The following AP1B1 variants were observed in gnomAD, a reference collection of about 807,000 sequenced individuals.
AP1B1 encodes the protein adaptor related protein complex 1 subunit beta 1, also known as AP-1 complex subunit beta-1.
In AP1B1, 36 loss-of-function variants were observed where a neutral mutation model predicts 104.3. The observed-to-expected ratio is 0.35, with a 90% CI of 0.26 to 0.46. AP1B1 has a LOEUF of 0.46. Ranked by LOEUF, AP1B1 falls within the 20% of genes least tolerant of loss-of-function variation. The probability of loss-of-function intolerance (pLI) is 1.00; values close to 1 mark genes in which losing one functional copy is unlikely to be tolerated. For missense variants in AP1B1, 901 were observed against 1,247.9 expected (o/e 0.72, Z 4.19); for synonymous variants, 504 against 517.5 (o/e 0.97, Z 0.35).
intron 14 of AP1B1, 107 bp downstream of exon 14, chr22:29,340,548 AT>A (rs2061698596): frequency 8.5e-7 from 1 of 1,180,322 alleles, no homozygotes; most frequent in African/African-American, 1.6e-5. Context: ...TAAGGACTCT[AT>A]ATAATGTACC....
intron 11 of AP1B1, among the ~76,000 whole-genome samples, chr22:29,346,538 G>A (rs533805394): frequency 3.3e-5 from 5 of 152,294 alleles, no homozygotes; most frequent in East Asian, 1.9e-4. Flanking sequence ...ATCTAATGCC[G>A]CCGCTGATCT....
chr22:29,329,637 A>G, intron 22 of AP1B1, 75 bp downstream of exon 22: 1 of 1,605,252 alleles, frequency 6.2e-7, no homozygotes, highest in African/African-American at 1.3e-5. Flanking sequence ...GACAGGAGAC[A>G]TGGGGTGCAT....
intron 3 of AP1B1, among the ~76,000 whole-genome samples, chr22:29,361,670 C>T (rs1452131383): frequency 1.3e-5 from 2 of 152,082 alleles, no homozygotes; most frequent in Non-Finnish European, 2.9e-5. Context: ...CAGGTAAACA[C>T]AAGTACACAT....
intron 5 of AP1B1, among the ~76,000 whole-genome samples, chr22:29,356,839 A>C (rs967379985): frequency 6.6e-6 from 1 of 152,132 alleles, no homozygotes; most frequent in Non-Finnish European, 1.5e-5. Flanking sequence ...AAAAACAAGA[A>C]AGACCTAGCT....
chr22:29,350,508 A>G (rs2061857741), intron 9 of AP1B1, among the ~76,000 whole-genome samples: 1 of 152,134 alleles, frequency 6.6e-6, no homozygotes, highest in African/African-American at 2.4e-5. Context: ...TATGTCCAAA[A>G]ACACTCACAG....
At chr22:29,349,100 A>T in intron 11 of AP1B1, 118 bp downstream of exon 11, 1 of 1,227,416 alleles carries the variant, frequency 8.1e-7, no homozygotes, top group Non-Finnish European at 1.1e-6. Flanking sequence ...CACATCACTC[A>T]TCTGTCTGTC....
intron 1 of AP1B1, among the ~76,000 whole-genome samples, chr22:29,379,556 G>A (rs564715542): frequency 6.6e-6 from 1 of 152,288 alleles, no homozygotes; most frequent in South Asian, 2.1e-4. Context: ...CCACACGGAA[G>A]CATGCACACA....
At chr22:29,335,785 G>T (rs2061629438) in intron 16 of AP1B1, among the ~76,000 whole-genome samples, 1 of 152,078 alleles carries the variant, frequency 6.6e-6, no homozygotes, top group African/African-American at 2.4e-5. Context: ...CTTTGAAAGC[G>T]CCTCCCCACC....
chr22:29,382,814 A>G (rs1322492371), intron 1 of AP1B1, among the ~76,000 whole-genome samples: 1 of 152,158 alleles, frequency 6.6e-6, no homozygotes, highest in Non-Finnish European at 1.5e-5. Context: ...TGAGGAAAAC[A>G]GTGGGTCAGG....
At chr22:29,340,262 T>A (rs1265427411) in intron 14 of AP1B1, among the ~76,000 whole-genome samples, 1 of 152,146 alleles carries the variant, frequency 6.6e-6, no homozygotes, top group Non-Finnish European at 1.5e-5. Flanking sequence ...CAGCTGGCGC[T>A]GCATAAGGGT....
chr22:29,331,966 G>A, intron 17 of AP1B1, 50 bp from the exon 18 acceptor site: 1 of 1,564,688 alleles, frequency 6.4e-7, no homozygotes, highest in South Asian at 1.2e-5. Context: ...AGGTGCTGAT[G>A]CGGGACAGGT....
At chr22:29,342,234 C>T in intron 12 of AP1B1, 51 bp downstream of exon 12, 1 of 1,486,784 alleles carries the variant, frequency 6.7e-7, no homozygotes, top group Non-Finnish European at 9.3e-7. Flanking sequence ...AAAAGTTCCC[C>T]TGCTTGAGTG....
rs1320684273 is a variant in AP1B1 at position 29,366,885 on chromosome 22, T to C, written c.37+322A>G. ...ACACACACACACACACACACACAAC[T>C]GCTGTGGGGGTGTTGATAGGATTCT... On this transcript the variant is annotated intron_variant, in intron 2 of 22. Coordinates refer to ENST00000357586, the MANE Select transcript of AP1B1 (RefSeq NM_001127.4). Among the ~76,000 whole-genome samples the C allele has an allele frequency of 3.1e-5, 4 of 129,742 alleles. No individual in the cohort carries two copies. In the East Asian group the frequency reaches 8.9e-4, roughly 29 times the overall value. The allele number at this position is 129,742 out of a possible 152,430, so 85.1% of individuals were successfully genotyped here. A position where few individuals can be genotyped will look rare whatever the true frequency, so the allele number is the denominator to read the frequency against.
Position 29,334,276 on chromosome 22 carries a change from G to T in AP1B1, c.2298C>A (p.Phe766Leu). Reference sequence around the variant, plus strand: ...CAGGGAGCTCTCACCTGTTGCGGTTGAACTGGATGGCAAAGTCGGTCATGA... The same window carrying T: ...CAGGGAGCTCTCACCTGTTGCGGTTTAACTGGATGGCAAAGTCGGTCATGA... ...LQVMTDFAIQFNRNSFGLAPA... is the reference protein window; with the variant it reads ...LQVMTDFAIQLNRNSFGLAPA... Residue 766 changes from phenylalanine to leucine, a missense_variant, in exon 17 of 23, where the codon TTC (phenylalanine) becomes TTA (leucine). By Grantham distance (22) the Phe-to-Leu change is conservative. This residue lies in a region of AP1B1 where 424 missense variants were observed against 494.0 expected (regional missense o/e 0.86). Transcript: ENST00000357586. The T allele has an allele frequency of 6.2e-7, 1 of 1,600,926 alleles. No homozygotes were observed. The highest frequency in any genetic ancestry group is 1.1e-5 in the South Asian group (1 of 89,328).
intron 3 of AP1B1, among the ~76,000 whole-genome samples, chr22:29,360,725 C>T (rs147254444): frequency 0.012 from 1,890 of 152,270 alleles, 36 homozygotes; most frequent in African/African-American, 0.042. Context: ...GAACAAGGTC[C>T]GTGCTCATGA....
In AP1B1 at chr22:29,328,915, CG is replaced by C; in HGVS notation, c.2776-21del. On this transcript the variant is annotated intron_variant, in intron 22 of 22. Coordinates refer to ENST00000357586, the MANE Select transcript of AP1B1 (RefSeq NM_001127.4). This position sits in a 1 kb window ranked among gnomAD's most constrained non-coding sequence, Gnocchi z 4.1. ...GGACAGCTGCAGGGGAGAGAGGGGTCGGGGGAAAGAGCGCTCATCCCTGGGG... is the reference window on the plus strand; with the variant it reads ...GGACAGCTGCAGGGGAGAGAGGGGTCGGGGAAAGAGCGCTCATCCCTGGGG... 6.2e-7 allele frequency: 1 copy of C among 1,601,092 alleles called. No individual in the cohort carries two copies.
At chr22:29,337,972 G>T (rs1182341791) in intron 16 of AP1B1, among the ~76,000 whole-genome samples, 1 of 152,206 alleles carries the variant, frequency 6.6e-6, no homozygotes, top group Non-Finnish European at 1.5e-5. Flanking sequence ...GCTGTGCCAG[G>T]ATCAAGAAGA....
chr22:29,330,672 G>A lies in AP1B1; in HGVS notation c.2562C>T (p.Pro854=), dbSNP rs1369892429. 6.2e-7 allele frequency: 1 copy of A among 1,613,774 alleles called. No individual in the cohort carries two copies. ...QMFLATWKDI[P]NENEAQFQIR... ...TCTGGAACTGGGCCTCATTCTCATT[G>A]GGAATATCCTTCCATGTGGCCAGGA... The change falls in exon 20 of 23, where the codon CCC becomes CCT. Residue 854 remains proline (P), a synonymous_variant. Coordinates refer to ENST00000357586, the MANE Select transcript of AP1B1 (RefSeq NM_001127.4).
At chr22:29,361,534 G>A (rs1399885558) in intron 3 of AP1B1, among the ~76,000 whole-genome samples, 3 of 152,076 alleles carry the variant, frequency 2.0e-5, no homozygotes, top group African/African-American at 7.2e-5. Context: ...CCTACAATAT[G>A]GGAATTGTAA....
Sources: allele counts gnomAD v4.1 joint callset (sites outside exome capture counted in the v4.1 genomes callset), GRCh38; gene constraint gnomAD v4.1.1; regional missense constraint gnomAD v4.1.1; non-coding constraint Gnocchi (gnomAD v3.1); transcripts MANE v1.5; gene names NCBI Gene and HGNC (gene_info 2026-07-23, HGNC 2026-07-21).